Variants in KNL1 observed in about 807,000 individuals in gnomAD.
The protein encoded by KNL1 is kinetochore scaffold 1.
A neutral mutation model predicts 201.3 loss-of-function variants in KNL1; 66 were observed. The ratio of observed to expected loss-of-function variants is 0.33; its 90% CI spans 0.27 to 0.40. The LOEUF is 0.40. KNL1 is among the 10% of genes least tolerant of loss of function. The probability of loss-of-function intolerance (pLI) is 1.00; values close to 1 mark genes in which losing one functional copy is unlikely to be tolerated. For synonymous variants in KNL1, 895 were observed against 899.2 expected (o/e 1.00, Z 0.08); for missense variants, 2,815 against 2,690.5 (o/e 1.05, Z -1.02).
At chr15:40,607,720 A>G (rs1255917842) in intron 4 of KNL1, among the ~76,000 whole-genome samples, 2 of 152,308 alleles carry the variant, frequency 1.3e-5, no homozygotes, top group East Asian at 1.9e-4. Flanking sequence ...ATCATTGACC[A>G]TTAGGGAAAT....
At chr15:40,631,590 C>T (rs982704758) in intron 13 of KNL1, among the ~76,000 whole-genome samples, 3 of 152,112 alleles carry the variant, frequency 2.0e-5, no homozygotes, top group African/African-American at 7.2e-5. Context: ...GCTAGGATTA[C>T]AGGCATGAGC....
In KNL1 at chr15:40,602,944, T is replaced by C; in HGVS notation, c.13T>C (p.Ser5Pro). The change falls in exon 2 of 26, where the codon TCT becomes CCT. Residue 5 changes from serine (S) to proline (P), a missense_variant. Transcript: ENST00000399668. ...GTTTTCTTCAAAAATGGATGGGGTG[T>C]CTTCAGAGGCTAATGAAGAAAAGTA... Reference protein sequence around the residue: MDGVSSEANEENDNI... With the variant: MDGVPSEANEENDNI... 6.3e-7 allele frequency: 1 copy of C among 1,592,940 alleles called. No homozygotes were observed. Among genetic ancestry groups the C allele is most frequent in the Non-Finnish European group, 8.6e-7 (1 of 1,163,576 alleles).
At position 40,624,055 on chromosome 15, in the gene KNL1, C is replaced by T. The variant is rs1028868975; in HGVS notation, c.3791C>T (p.Ala1264Val). ...GTCATAGGGAAAGTTGTAGACCAGG[C>T]CTGTACATTGGAAAAAGCGCAAGTT... ...EKVIGKVVDQ[A>V]CTLEKAQVES... Residue 1264 changes from alanine (A) to valine (V), a missense_variant, in exon 10 of 26, where the codon GCC (alanine) becomes GTC (valine). Coordinates refer to ENST00000399668, the MANE Select transcript of KNL1 (RefSeq NM_144508.5). 3 of 1,613,928 alleles carry T rather than the reference C, an allele frequency of 1.9e-6. No homozygotes were observed. Among genetic ancestry groups the T allele is most frequent in the Non-Finnish European group, 2.5e-6 (3 of 1,179,934 alleles).
intron 24 of KNL1, among the ~76,000 whole-genome samples, chr15:40,658,513 G>A (rs1480894236): frequency 9.3e-6 from 1 of 107,938 alleles, no homozygotes; most frequent in South Asian, 3.6e-4. Flanking sequence ...GGGTGACAGA[G>A]TGAGACTCCA....
rs1192795877 is a variant in KNL1 at position 40,652,000 on chromosome 15, T to C, written c.6315-5T>C. ...TTTTTAAAAATCTTGTTTATCTCTC[T>C]ACAGCTTGTCTGAGTGGGATGTCGT... On this transcript the variant is annotated splice_region_variant and splice_polypyrimidine_tract_variant and intron_variant, in intron 20 of 25. Coordinates refer to ENST00000399668, the MANE Select transcript of KNL1 (RefSeq NM_144508.5). 1.2e-6 allele frequency: 2 copies of C among 1,609,266 alleles called. No homozygotes were observed. The highest frequency in any genetic ancestry group is 1.7e-6 in the Non-Finnish European group (2 of 1,175,728).
At chr15:40,615,625 G>C in intron 8 of KNL1, 1 of 179,716 alleles carries the variant, frequency 5.6e-6, no homozygotes, top group East Asian at 1.9e-4. Flanking sequence ...AAAGTAGCTG[G>C]GCGTGGTGGT....
At chr15:40,629,490 C>CTTTTTTTTTTTTTTTTTTTT (rs1567012998) in intron 13 of KNL1, 119 bp downstream of exon 13, 1 of 232,584 alleles carries the variant, frequency 4.3e-6, no homozygotes, top group African/African-American at 4.8e-5. Flanking sequence ...TTTTTTTTGC[C>CTTTTTTTTTTTTTTTTTTTT]TTTTCTTTTT....
At chr15:40,604,876 G>A (rs1891924864) in intron 2 of KNL1, among the ~76,000 whole-genome samples, 1 of 152,096 alleles carries the variant, frequency 6.6e-6, no homozygotes, top group African/African-American at 2.4e-5. Context: ...TATAAATATG[G>A]TAAATTATGT....
At position 40,620,659 on chromosome 15, in the gene KNL1, C is replaced by G. The variant is rs760311434; in HGVS notation, c.395C>G (p.Thr132Ser). 6.9e-6 allele frequency: 11 copies of G among 1,583,196 alleles called. No homozygotes were observed. In the East Asian group the frequency reaches 1.6e-4, roughly 23 times the overall value. ...TTATAGTTTTCAATTATAGAACATACCCGTGAAAGGAAACATGCAAATGAC... is the reference window on the plus strand; with the variant it reads ...TTATAGTTTTCAATTATAGAACATAGCCGTGAAAGGAAACATGCAAATGAC... Reference protein sequence around the residue: ...QQKEFSIIEHTRERKHANDQT... With the variant: ...QQKEFSIIEHSRERKHANDQT... The change falls in exon 10 of 26, where the codon ACC becomes AGC. Residue 132 changes from threonine (T) to serine (S), a missense_variant. By Grantham distance (58) the Thr-to-Ser change is moderately conservative (BLOSUM62 1). Coordinates refer to ENST00000399668, the MANE Select transcript of KNL1 (RefSeq NM_144508.5).
intron 13 of KNL1, among the ~76,000 whole-genome samples, chr15:40,635,903 G>C (rs966305091): frequency 6.6e-6 from 1 of 151,834 alleles, no homozygotes; most frequent in Non-Finnish European, 1.5e-5. Context: ...GTCTCGCTCT[G>C]TCACCCAGGC....
At chr15:40,658,561 C>CAAAAAAAAA (rs35180053) in intron 24 of KNL1, among the ~76,000 whole-genome samples, 2 of 74,168 alleles carry the variant, frequency 2.7e-5, no homozygotes, top group African/African-American at 5.3e-5. Flanking sequence ...GAATCTGTCT[C>CAAAAAAAAA]AAAAAAAAAA....
At chr15:40,641,875 C>T (rs779812054) in intron 14 of KNL1, among the ~76,000 whole-genome samples, 1 of 152,192 alleles carries the variant, frequency 6.6e-6, no homozygotes, top group Non-Finnish European at 1.5e-5. Flanking sequence ...TAGAAGATAG[C>T]TCATTGCTAT....
intron 21 of KNL1, among the ~76,000 whole-genome samples, chr15:40,652,898 C>T (rs1188145049): frequency 6.6e-6 from 1 of 152,098 alleles, no homozygotes; most frequent in Non-Finnish European, 1.5e-5. Context: ...AGAGGCCCAG[C>T]TGTTTTGTTG....
At chr15:40,607,584 C>A (rs1892016250) in intron 4 of KNL1, among the ~76,000 whole-genome samples, 1 of 152,128 alleles carries the variant, frequency 6.6e-6, no homozygotes, top group South Asian at 2.1e-4. Context: ...TACTTGACAG[C>A]AAGCTCATCC....
intron 20 of KNL1, 145 bp downstream of exon 20, chr15:40,651,717 A>G (rs1893570208): frequency 1.7e-6 from 1 of 603,788 alleles, no homozygotes; most frequent in Non-Finnish European, 2.9e-6. Context: ...TGTACTCAAC[A>G]GTAAGCTGGA....
rs1448321494 is a variant in KNL1, at chr15:40,628,993, A to T, written c.5584-280A>T. Among the ~76,000 whole-genome samples, 4 of 152,112 alleles carry T rather than the reference A, an allele frequency of 2.6e-5. No homozygotes were observed. In the East Asian group the frequency reaches 7.7e-4, roughly 29 times the overall value. On this transcript the variant is annotated intron_variant, in intron 12 of 25. Coordinates refer to ENST00000399668, the MANE Select transcript of KNL1 (RefSeq NM_144508.5). ...GGCTGCAGTGAGCCATGATCACACA[A>T]CTGTACCCCAGGCTGGGTGACAGAG...
intron 13 of KNL1, among the ~76,000 whole-genome samples, chr15:40,640,080 TTTTTCTTTTTTTC>T (rs1893178821): frequency 6.6e-6 from 1 of 150,930 alleles, no homozygotes; most frequent in South Asian, 2.1e-4. Context: ...TCTTTTCTTT[TTTTTCTTTTTTTC>T]TTTTCTTTTT....
chr15:40,643,272 A>C lies in KNL1; in HGVS notation c.5799-1725A>C, dbSNP rs1414638626. The C allele has an allele frequency of 1.3e-5, 2 of 152,048 alleles. 1 individual carries two copies. The highest frequency in any genetic ancestry group is 1.3e-4 in the Admixed American group (2 of 15,254). 9.4% of individuals were successfully genotyped at this position (152,048 alleles called of 1,614,324 possible). ...ACTGAGAACTCTGCCTCCTGGGTTGACGCCATTCTCCTGCCTCAACCTCTA... is the reference window on the plus strand; with the variant it reads ...ACTGAGAACTCTGCCTCCTGGGTTGCCGCCATTCTCCTGCCTCAACCTCTA... On this transcript the variant is annotated intron_variant, in intron 14 of 25. Transcript: ENST00000399668.
intron 13 of KNL1, among the ~76,000 whole-genome samples, chr15:40,632,469 G>C (rs1257499441): frequency 6.6e-6 from 1 of 152,000 alleles, no homozygotes; most frequent in South Asian, 2.1e-4. Flanking sequence ...AGGCCTGGTA[G>C]CATGTGCCTG....
Sources: allele counts gnomAD v4.1 joint callset (sites outside exome capture counted in the v4.1 genomes callset), GRCh38; gene constraint gnomAD v4.1.1; transcripts MANE v1.5; gene names NCBI Gene and HGNC (gene_info 2026-07-23, HGNC 2026-07-21).